SCARA3: variants seen among roughly 807,000 people sequenced by gnomAD.
SCARA3 encodes scavenger receptor class A member 3, also known as cellular stress response gene protein.
Under a neutral mutation model 47.0 loss-of-function variants are expected in SCARA3, and 39 were observed. The observed-to-expected ratio is 0.83, with a 90% CI of 0.64 to 1.08. SCARA3 has a LOEUF of 1.08. Among genes scored for constraint, SCARA3 ranks in the 50% least tolerant of loss-of-function variants. The pLI, the probability that SCARA3 is intolerant of heterozygous loss-of-function variation, is 0.00. For synonymous variants in SCARA3, 356 were observed against 334.1 expected (o/e 1.07, Z -0.71); for missense variants, 724 against 792.3 (o/e 0.91, Z 1.04).
intron 2 of SCARA3, among the ~76,000 whole-genome samples, chr8:27,650,940 G>A (rs894384651): frequency 6.6e-6 from 1 of 152,066 alleles, no homozygotes; most frequent in African/African-American, 2.4e-5. Flanking sequence ...GCCTTGGCTG[G>A]CCTCAAACTC....
chr8:27,727,704 C>A, the SCARA3 span, among the ~76,000 whole-genome samples: 2 of 152,160 alleles, frequency 1.3e-5, no homozygotes, highest in Admixed American at 1.3e-4. Flanking sequence ...TAATTTTGAG[C>A]CAATATATAA....
chr8:27,637,448 G>A (rs972828694), intron 1 of SCARA3, among the ~76,000 whole-genome samples: 2 of 152,202 alleles, frequency 1.3e-5, no homozygotes, highest in African/African-American at 4.8e-5. Flanking sequence ...CTGGTGCACC[G>A]TGAAGACTGA....
At chr8:27,690,704 T>A in the SCARA3 span, among the ~76,000 whole-genome samples, 1 of 152,182 alleles carries the variant, frequency 6.6e-6, no homozygotes, top group Admixed American at 6.5e-5. Context: ...TTTTTAAATT[T>A]TTTTTTTATA....
At chr8:27,649,334 G>A (rs508032) in intron 1 of SCARA3, among the ~76,000 whole-genome samples, 27,974 of 152,084 alleles carry the variant, frequency 0.18, 3,156 homozygotes, top group Middle Eastern at 0.33. Context: ...ATTCTGCTTC[G>A]GTGACCAAGT....
chr8:27,733,230 T>C, the SCARA3 span: 1 of 152,160 alleles, frequency 6.6e-6, no homozygotes, highest in Non-Finnish European at 1.5e-5. Context: ...GTCTCCCCAC[T>C]TGCCTAAAAC....
the SCARA3 span, among the ~76,000 whole-genome samples, chr8:27,717,270 A>T: frequency 2.6e-5 from 4 of 152,216 alleles, no homozygotes; most frequent in Admixed American, 6.5e-5. Flanking sequence ...TCATAGCTAG[A>T]TACAGATACA....
At position 27,651,593 on chromosome 8, in the gene SCARA3, G is replaced by A. The variant is rs770843895; in HGVS notation, c.192G>A (p.Leu64=). Residue 64 remains leucine, a synonymous_variant, in exon 3 of 6, where the codon CTG becomes CTA. Transcript: ENST00000301904. ...SVRILYLFLA[L]LLVAVAVLAS... Reference sequence around the variant, plus strand: ...GGATTCTTTACCTCTTCCTGGCCCTGCTCCTGGTGGCCGTGGCTGTGTTGG... The same window carrying A: ...GGATTCTTTACCTCTTCCTGGCCCTACTCCTGGTGGCCGTGGCTGTGTTGG... 1.2e-6 allele frequency: 2 copies of A among 1,614,126 alleles called. No individual in the cohort carries two copies. The highest frequency in any genetic ancestry group is 1.7e-4 in the Middle Eastern group (1 of 6,060).
At chr8:27,634,340 T>G (rs1365379531) in intron 1 of SCARA3, 133 bp downstream of exon 1, 3 of 738,772 alleles carry the variant, frequency 4.1e-6, no homozygotes, top group Non-Finnish European at 5.6e-6. Context: ...TCCCCTGCCT[T>G]TTTGGGCATC....
the SCARA3 span, among the ~76,000 whole-genome samples, chr8:27,728,314 C>G: frequency 6.6e-6 from 1 of 152,146 alleles, no homozygotes; most frequent in Admixed American, 6.5e-5. Flanking sequence ...AAGCGCATTC[C>G]AGGATCAGAC....
the SCARA3 span, among the ~76,000 whole-genome samples, chr8:27,723,439 G>A: frequency 9.2e-5 from 14 of 152,120 alleles, no homozygotes; most frequent in African/African-American, 3.1e-4. Context: ...TTTTCGTCAC[G>A]CACTGACTGT....
At chr8:27,660,998 A>C (rs1287787694) in intron 5 of SCARA3, among the ~76,000 whole-genome samples, 1 of 152,204 alleles carries the variant, frequency 6.6e-6, no homozygotes, top group Non-Finnish European at 1.5e-5. Context: ...ACCATCAGGC[A>C]GGAAGAATTC....
rs36101621 is a variant in SCARA3, at chr8:27,639,815, G to A, written c.7+5608G>A. Among the ~76,000 whole-genome samples, 1,158 of 152,308 alleles carry A rather than the reference G, an allele frequency of 7.6e-3. 16 individuals carry two copies. Among genetic ancestry groups the A allele is most frequent in the African/African-American group, 0.027 (1,112 of 41,556 alleles). On this transcript the variant is annotated intron_variant, in intron 1 of 5. Coordinates refer to ENST00000301904, the MANE Select transcript of SCARA3 (RefSeq NM_016240.3). ...ATGATGGTAATGTCATGGAAATTGAGAGGAGAAAGTTCCAAGGGGGAGGAA... is the reference window on the plus strand; with the variant it reads ...ATGATGGTAATGTCATGGAAATTGAAAGGAGAAAGTTCCAAGGGGGAGGAA...
intron 1 of SCARA3, 125 bp downstream of exon 1, chr8:27,634,332 C>G (rs1407553506): frequency 3.5e-6 from 3 of 864,228 alleles, no homozygotes; most frequent in Non-Finnish European, 4.6e-6. Flanking sequence ...CTGGCTTTTC[C>G]CCTGCCTTTT....
the SCARA3 span, among the ~76,000 whole-genome samples, chr8:27,725,599 G>A: frequency 4.0e-5 from 6 of 151,808 alleles, no homozygotes; most frequent in Non-Finnish European, 5.9e-5. Flanking sequence ...AATGGGTGGT[G>A]TAAGTCAGAG....
At chr8:27,689,720 G>A in the SCARA3 span, among the ~76,000 whole-genome samples, 165 of 152,110 alleles carry the variant, frequency 1.1e-3, 1 homozygote, top group African/African-American at 3.6e-3. Context: ...TGGGAGGCCC[G>A]GTGCTCTCTC....
intron 2 of SCARA3, among the ~76,000 whole-genome samples, chr8:27,650,381 A>C (rs1801606752): frequency 6.6e-6 from 1 of 152,046 alleles, no homozygotes; most frequent in Non-Finnish European, 1.5e-5. Context: ...CCAGAGCTAC[A>C]TACCCTGTCC....
the SCARA3 span, among the ~76,000 whole-genome samples, chr8:27,682,794 G>GT: frequency 6.6e-6 from 1 of 152,082 alleles, no homozygotes; most frequent in Non-Finnish European, 1.5e-5. Flanking sequence ...TAACCACTTT[G>GT]TTTTTTTCTT....
chr8:27,678,481 A>C (rs187716985), downstream of SCARA3, among the ~76,000 whole-genome samples: 16 of 152,376 alleles, frequency 1.1e-4, no homozygotes, highest in Admixed American at 7.8e-4. Flanking sequence ...CTCAAGAAGA[A>C]ATAATGAGTA....
At chr8:27,724,703 C>T in the SCARA3 span, among the ~76,000 whole-genome samples, 2 of 152,044 alleles carry the variant, frequency 1.3e-5, no homozygotes, top group Non-Finnish European at 2.9e-5. Context: ...CCAAAGAGTG[C>T]TAAGTAATGG....
Sources: gnomAD v4.1 joint callset for allele counts (sites outside exome capture counted in the v4.1 genomes callset) on GRCh38, gnomAD v4.1.1 for gene constraint, MANE v1.5 for transcripts, NCBI Gene and HGNC (gene_info 2026-07-23, HGNC 2026-07-21) for gene names.